The following CYP1B1 variants were observed in gnomAD, a reference collection of about 807,000 sequenced individuals.
CYP1B1 encodes cytochrome P450 1B1.
CYP1B1 carries 22 observed loss-of-function variants against 29.9 expected under a neutral mutation model. The observed-to-expected ratio is 0.74, with a 90% CI of 0.53 to 1.05. CYP1B1 has a LOEUF of 1.05. Ranked by LOEUF, CYP1B1 falls within the 50% of genes least tolerant of loss-of-function variation. CYP1B1 has a pLI of 0.00. For synonymous variants in CYP1B1, 375 were observed against 320.0 expected (o/e 1.17, Z -1.83); for missense variants, 883 against 746.9 (o/e 1.18, Z -2.12).
Position 38,074,642 on chromosome 2 carries a change from G to C in CYP1B1, c.747C>G (p.Tyr249Ter). 1 of 1,613,530 alleles carries C rather than the reference G, an allele frequency of 6.2e-7. No individual in the cohort carries two copies. The highest frequency in any genetic ancestry group is 8.5e-7 in the Non-Finnish European group (1 of 1,180,026). Reference sequence around the variant, plus strand: ...AAACGGTGCGCACCGGGTTGGGGAAGTACTGCAGCCAGGGCATCACGTCCA... The same window carrying C: ...AAACGGTGCGCACCGGGTTGGGGAACTACTGCAGCCAGGGCATCACGTCCA... ...SLVDVMPWLQ[Y>*]FPNPVRTVFR... The change falls in exon 2 of 3, where the codon TAC becomes TAG. Residue 249 changes from tyrosine (Y) to a stop codon, truncating the protein, a stop_gained. Transcript: ENST00000610745. LOFTEE classifies it high-confidence loss of function.
intron 2 of CYP1B1, among the ~76,000 whole-genome samples, chr2:38,072,993 G>A (rs150274933): frequency 9.2e-5 from 14 of 152,280 alleles, no homozygotes; most frequent in Non-Finnish European, 1.3e-4. Flanking sequence ...AACTATTGTG[G>A]TTCTAATGAA....
chr2:38,071,257 C>G lies in CYP1B1; in HGVS notation c.1097G>C (p.Arg366Thr). The G allele has an allele frequency of 6.2e-7, 1 of 1,613,112 alleles. No homozygotes were observed. Among genetic ancestry groups the G allele is most frequent in the Non-Finnish European group, 8.5e-7 (1 of 1,180,046 alleles). ...GTCACCCATACAAGGCAGACGGTCC[C>G]TCCCCACGACCTGATCCAATTCTGC... is the stretch of plus-strand genomic sequence containing the variant. ...VQAELDQVVG[R>T]DRLPCMGDQP... Residue 366 changes from arginine (R) to threonine (T), a missense_variant, in exon 3 of 3, where the codon AGG becomes ACG. Arg to Thr is a moderately conservative substitution (Grantham distance 71). Transcript: ENST00000610745.
At position 38,068,348 on chromosome 2, in the gene CYP1B1, C is replaced by A. The variant is rs1682352974; in HGVS notation, c.*2374G>T. 1 of 226,398 alleles carries A rather than the reference C, an allele frequency of 4.4e-6. No individual in the cohort carries two copies. The highest frequency in any genetic ancestry group is 5.7e-5 in the Admixed American group (1 of 17,520). The allele number at this position is 226,398 out of a possible 1,614,324, so 14.0% of individuals were successfully genotyped here. On this transcript the variant is annotated 3_prime_UTR_variant, in exon 3 of 3. Transcript: ENST00000610745. ...AAACTCCAAGCACCTTACTTTCTTC[C>A]ATATAAACACAGCTTTCCTTTTGCC...
rs769906396 is a variant in CYP1B1, at chr2:38,069,634, T to C, written c.*1088A>G. On this transcript the variant is annotated 3_prime_UTR_variant, in exon 3 of 3. Coordinates refer to ENST00000610745, the MANE Select transcript of CYP1B1 (RefSeq NM_000104.4). The stretch of plus-strand genomic sequence containing the variant: ...ATTTTGAGATTCGCCAAAATTTGAG[T>C]GAAGAAAAGAAACCCTGCTTCATTT... The C allele has an allele frequency of 5.0e-6, 1 of 200,784 alleles. No individual in the cohort carries two copies. Among genetic ancestry groups the C allele is most frequent in the Non-Finnish European group, 1.0e-5 (1 of 97,526 alleles). The allele number at this position is 200,784 out of a possible 1,614,324, so 12.4% of individuals were successfully genotyped here. A position where few individuals can be genotyped will look rare whatever the true frequency, so the allele number is the denominator to read the frequency against.
At position 38,070,328 on chromosome 2, in the gene CYP1B1, C is replaced by A. The variant is rs920248476; in HGVS notation, c.*394G>T. 6.7e-6 allele frequency: 2 copies of A among 300,136 alleles called. No homozygotes were observed. The highest frequency in any genetic ancestry group is 4.6e-5 in the Admixed American group (1 of 21,508). 18.6% of individuals were successfully genotyped at this position (300,136 alleles called of 1,614,324 possible). ...TTGTCTATTTCTGCATATGGGAGAC[C>A]AATCTTGGATTCCCACCAAAAATGG... is the stretch of plus-strand genomic sequence containing the variant. On this transcript the variant is annotated 3_prime_UTR_variant, in exon 3 of 3. Coordinates refer to ENST00000610745, the MANE Select transcript of CYP1B1 (RefSeq NM_000104.4).
Position 38,071,079 on chromosome 2 carries a change from C to A in CYP1B1, c.1275G>T (p.Trp425Cys), listed in dbSNP as rs1295715584. 1.2e-6 allele frequency: 2 copies of A among 1,612,866 alleles called. No homozygotes were observed. Among genetic ancestry groups the A allele is most frequent in the South Asian group, 1.1e-5 (1 of 91,070 alleles). ...ACTTCAGTGGGTCATGATTCACAGA[C>A]CACTGGTTGACAAAAACCACAGTGT... ...PKDTVVFVNQ[W>C]SVNHDPLKWP... The change falls in exon 3 of 3, where the codon TGG becomes TGT. Residue 425 changes from tryptophan to cysteine, a missense_variant. Trp to Cys is a radical substitution (Grantham distance 215). Transcript: ENST00000610745.
At chr2:38,073,567 G>A (rs950455491) in intron 2 of CYP1B1, 1 of 152,286 alleles carries the variant, frequency 6.6e-6, no homozygotes, top group Non-Finnish European at 1.5e-5. Flanking sequence ...TTGAATCCGT[G>A]CTTAGTAGAG....
At position 38,070,713 on chromosome 2, in the gene CYP1B1, TCTTG is replaced by T. The variant is rs1408485500; in HGVS notation, c.*5_*8del. 1 of 1,612,770 alleles carries T rather than the reference TCTTG, an allele frequency of 6.2e-7. No individual in the cohort carries two copies. The highest frequency in any genetic ancestry group is 1.7e-5 in the Admixed American group (1 of 60,032). On this transcript the variant is annotated 3_prime_UTR_variant, in exon 3 of 3. Transcript: ENST00000610745. ...AATATTTCTAAAATTTCAGCTTGCC[TCTTG>T]CTTCTTATTGGCAAGTTTCCTTGGC...
At position 38,069,490 on chromosome 2, in the gene CYP1B1, G is replaced by A. The variant is rs1682383374; in HGVS notation, c.*1232C>T. 5.0e-6 allele frequency: 1 copy of A among 200,774 alleles called. No homozygotes were observed. The highest frequency in any genetic ancestry group is 1.9e-4 in the South Asian group (1 of 5,238). 12.4% of individuals were successfully genotyped at this position (200,774 alleles called of 1,614,324 possible). On this transcript the variant is annotated 3_prime_UTR_variant, in exon 3 of 3. Coordinates refer to ENST00000610745, the MANE Select transcript of CYP1B1 (RefSeq NM_000104.4). Reference sequence around the variant, plus strand: ...GCTTTAAAATTTAGTTAAAATTTAAGCATGCCATGAATTTGGAATTTTAAT... The same window carrying A: ...GCTTTAAAATTTAGTTAAAATTTAAACATGCCATGAATTTGGAATTTTAAT...
Position 38,074,884 on chromosome 2 carries a change from G to T in CYP1B1, c.505C>A (p.His169Asn). The T allele has an allele frequency of 6.4e-7, 1 of 1,556,138 alleles. No homozygotes were observed. The highest frequency in any genetic ancestry group is 2.4e-5 in the East Asian group (1 of 41,402). ...AGCTCGCGCGCCTCGCTCAGCACGT[G>T]GCCCTCGAGGACTTGGCGGCTGCGC... ...QPRSRQVLEG[H>N]VLSEARELVA... The change falls in exon 2 of 3, where the codon CAC becomes AAC. Residue 169 changes from histidine (H) to asparagine (N), a missense_variant. By Grantham distance (68) the His-to-Asn change is moderately conservative. Transcript: ENST00000610745.
chr2:38,072,699 G>T (rs2125315353), intron 2 of CYP1B1, among the ~76,000 whole-genome samples: 1 of 152,282 alleles, frequency 6.6e-6, no homozygotes, highest in African/African-American at 2.4e-5. Flanking sequence ...GTATGGTGGG[G>T]AGAGCCAGAG....
rs752456881 is a variant in CYP1B1, at chr2:38,074,401, C to A, written c.988G>T (p.Ala330Ser). Residue 330 changes from alanine to serine, a missense_variant, in exon 2 of 3, where the codon GCC becomes TCC. Coordinates refer to ENST00000610745, the MANE Select transcript of CYP1B1 (RefSeq NM_000104.4). ...VPATITDIFG[A>S]SQDTLSTALQ... ...GCGGTGGACAGGGTGTCCTGGCTGG[C>A]GCCGAAGATGTCAGTGATAGTGGCC... The A allele has an allele frequency of 1.9e-6, 3 of 1,613,266 alleles. No homozygotes were observed. Among genetic ancestry groups the A allele is most frequent in the East Asian group, 4.5e-5 (2 of 44,856 alleles).
chr2:38,070,995 G>C lies in CYP1B1; in HGVS notation c.1359C>G (p.Asn453Lys), dbSNP rs1682419161. Reference sequence around the variant, plus strand: ...TCATCACTCTGCTGGTCAGGTCCTTGTTGATGAGGCCATCCTTGTCCAAGA... The same window carrying C: ...TCATCACTCTGCTGGTCAGGTCCTTCTTGATGAGGCCATCCTTGTCCAAGA... ...ARFLDKDGLI[N>K]KDLTSRVMIF... is the part of the protein sequence containing the mutation. Residue 453 changes from asparagine to lysine, a missense_variant, in exon 3 of 3, where the codon AAC becomes AAG. Coordinates refer to ENST00000610745, the MANE Select transcript of CYP1B1 (RefSeq NM_000104.4). 1 of 1,614,118 alleles carries C rather than the reference G, an allele frequency of 6.2e-7. No homozygotes were observed. The highest frequency in any genetic ancestry group is 8.5e-7 in the Non-Finnish European group (1 of 1,180,004).
Position 38,074,480 on chromosome 2 carries a change from C to T in CYP1B1, c.909G>A (p.Lys303=). The change falls in exon 2 of 3, where the codon AAG becomes AAA. Residue 303 remains lysine, a synonymous_variant. Transcript: ENST00000610745. ...CACCACCGTGCGAGTCCCCGGCCGC[C>T]TTCTTTTCCGCAGAGAGGATAAAGG... The part of the protein sequence containing the change: ...MDAFILSAEK[K]AAGDSHGGGA... 1 of 1,612,526 alleles carries T rather than the reference C, an allele frequency of 6.2e-7. No individual in the cohort carries two copies. Among genetic ancestry groups the T allele is most frequent in the Non-Finnish European group, 8.5e-7 (1 of 1,179,534 alleles).
chr2:38,074,200 T>C, intron 2 of CYP1B1, 146 bp downstream of exon 2: 1 of 909,008 alleles, frequency 1.1e-6, no homozygotes, highest in South Asian at 1.5e-5. Flanking sequence ...TGAGTCCCTT[T>C]ACCGACGCGA....
chr2:38,069,975 A>T lies in CYP1B1; in HGVS notation c.*747T>A, dbSNP rs898383935. The stretch of plus-strand genomic sequence containing the variant: ...CTTTGGCAAGCAAAAGAGGTACAAC[A>T]TCACCTTGGAGTTTTACAATTTAAT... On this transcript the variant is annotated 3_prime_UTR_variant, in exon 3 of 3. Transcript: ENST00000610745. 1 of 202,020 alleles carries T rather than the reference A, an allele frequency of 5.0e-6. No individual in the cohort carries two copies. Among genetic ancestry groups the T allele is most frequent in the African/African-American group, 2.3e-5 (1 of 43,596 alleles). 12.5% of individuals were successfully genotyped at this position (202,020 alleles called of 1,614,324 possible).
In CYP1B1 at chr2:38,074,684, C is replaced by T. The variant is rs1447275510; in HGVS notation, c.705G>A (p.Val235=). 8 of 1,612,872 alleles carry T rather than the reference C, an allele frequency of 5.0e-6. No individual in the cohort carries two copies. Among genetic ancestry groups the T allele is most frequent in the Non-Finnish European group, 6.8e-6 (8 of 1,179,958 alleles). Residue 235 remains valine (V), a synonymous_variant, in exon 2 of 3, where the codon GTG becomes GTA. Transcript: ENST00000610745. The part of the protein sequence containing the change: ...LSHNEEFGRT[V]GAGSLVDVMP... The stretch of plus-strand genomic sequence containing the variant: ...TCACGTCCACCAGGCTGCCCGCGCC[C>T]ACCGTGCGCCCGAACTCTTCGTTGT...
Position 38,068,963 on chromosome 2 carries a change from A to G in CYP1B1, c.*1759T>C, listed in dbSNP as rs532324354. ...ACAACTATCAAAAACTCCCTTTTTT[A>G]AAATTTTGGTACAAAGATTCCAAAA... is the stretch of plus-strand genomic sequence containing the variant. On this transcript the variant is annotated 3_prime_UTR_variant, in exon 3 of 3. Transcript: ENST00000610745. 2.0e-4 allele frequency: 45 copies of G among 228,082 alleles called. No individual in the cohort carries two copies. The Middle Eastern group carries it at 6.6e-3, about 33-fold the overall frequency. 14.1% of individuals were successfully genotyped at this position (228,082 alleles called of 1,614,324 possible).
In CYP1B1 at chr2:38,067,567, A is replaced by G. The variant is rs1193348712; in HGVS notation, c.*3155T>C. 2 of 170,558 alleles carry G rather than the reference A, an allele frequency of 1.2e-5. No homozygotes were observed. Among genetic ancestry groups the G allele is most frequent in the African/African-American group, 4.8e-5 (2 of 42,062 alleles). 10.6% of individuals were successfully genotyped at this position (170,558 alleles called of 1,614,324 possible). A position where few individuals can be genotyped will look rare whatever the true frequency, so the allele number is the denominator to read the frequency against. On this transcript the variant is annotated 3_prime_UTR_variant, in exon 3 of 3. Coordinates refer to ENST00000610745, the MANE Select transcript of CYP1B1 (RefSeq NM_000104.4). ...AGTAATAGTTGAAATAAAGTGATAC[A>G]TTAGACTATATTTGCTACAACATAA... is the stretch of plus-strand genomic sequence containing the variant.
Sources: allele counts gnomAD v4.1 joint callset (sites outside exome capture counted in the v4.1 genomes callset), GRCh38; gene constraint gnomAD v4.1.1; transcripts MANE v1.5; gene names NCBI Gene and HGNC (gene_info 2026-07-23, HGNC 2026-07-21).